Variants in KLHDC2 observed in about 807,000 individuals in gnomAD.
The protein encoded by KLHDC2 is kelch domain containing 2.
Under a neutral mutation model 62.3 loss-of-function variants are expected in KLHDC2, and 38 were observed. That is an observed-to-expected ratio of 0.61 (90% CI 0.47 to 0.80). The LOEUF is 0.80. Ranked by LOEUF, KLHDC2 falls within the 30% of genes least tolerant of loss-of-function variation. KLHDC2 has a pLI of 0.00. For synonymous variants in KLHDC2, 159 were observed against 161.0 expected (o/e 0.99, Z 0.09); for missense variants, 430 against 495.3 (o/e 0.87, Z 1.25).
chr14:49,776,690 G>A (rs1889780087), intron 3 of KLHDC2, among the ~76,000 whole-genome samples: 1 of 152,018 alleles, frequency 6.6e-6, no homozygotes, highest in Non-Finnish European at 1.5e-5. Flanking sequence ...AGGCCCAAGT[G>A]GGCACATCAC....
At chr14:49,781,860 A>ACAGT (rs1491568460) in intron 10 of KLHDC2, among the ~76,000 whole-genome samples, 2 of 152,098 alleles carry the variant, frequency 1.3e-5, no homozygotes, top group African/African-American at 4.8e-5. Flanking sequence ...AGGAAATGAT[A>ACAGT]CAGTCAAAAT....
intron 4 of KLHDC2, 58 bp from the exon 5 acceptor site, chr14:49,778,120 C>A: frequency 8.5e-7 from 1 of 1,178,004 alleles, no homozygotes; most frequent in Non-Finnish European, 1.2e-6. Context: ...AGATAAACTG[C>A]TTGTATCCTA....
chr14:49,785,118 G>C lies in KLHDC2; in HGVS notation c.*2165G>C, dbSNP rs969728048. On this transcript the variant is annotated 3_prime_UTR_variant, in exon 13 of 13. Transcript: ENST00000298307. ...TTTTCCCTTTTTCTGCACTCCAGGA[G>C]TAAGTTTCACTTTATATCTTTAAAA... 8 of 1,606,160 alleles carry C rather than the reference G, an allele frequency of 5.0e-6. No homozygotes were observed. In the African/African-American group the frequency reaches 9.4e-5, roughly 19 times the overall value.
chr14:49,782,542 G>GCA lies in KLHDC2; in HGVS notation c.1050_1051dup (p.Ser351ThrfsTer6), dbSNP rs772267806. 1 of 1,606,464 alleles carries GCA rather than the reference G, an allele frequency of 6.2e-7. No homozygotes were observed. The highest frequency in any genetic ancestry group is 8.5e-7 in the Non-Finnish European group (1 of 1,174,940). ...TGTGTTCTTCCTATTTATTTTTCAG[G>GCA]CACACAGTAATGAAATACTAATATT... On this transcript the variant is annotated frameshift_variant and splice_region_variant, in exon 12 of 13. Coordinates refer to ENST00000298307, the MANE Select transcript of KLHDC2 (RefSeq NM_014315.3). LOFTEE classifies it high-confidence loss of function.
chr14:49,781,413 A>ATGTT (rs918396105), intron 10 of KLHDC2, among the ~76,000 whole-genome samples: 28 of 151,286 alleles, frequency 1.9e-4, no homozygotes, highest in African/African-American at 6.8e-4. Flanking sequence ...AATGGGTAAA[A>ATGTT]TGTTTAAACC....
rs1371616657 is a variant in KLHDC2, at chr14:49,784,008, T to A, written c.*1055T>A. The A allele has an allele frequency of 6.6e-6, 1 of 152,072 alleles. No individual in the cohort carries two copies. Among genetic ancestry groups the A allele is most frequent in the African/African-American group, 2.4e-5 (1 of 41,424 alleles). The allele number at this position is 152,072 out of a possible 1,614,324, so 9.4% of individuals were successfully genotyped here. On this transcript the variant is annotated 3_prime_UTR_variant, in exon 13 of 13. Transcript: ENST00000298307. The stretch of plus-strand genomic sequence containing the variant: ...CAGTAGACTTACCAAGTCAATAGTT[T>A]AAGCAATCAAGCCACTTCACTGTTC...
In KLHDC2 at chr14:49,784,738, T is replaced by G. The variant is rs748431555; in HGVS notation, c.*1785T>G. ...CCTAAAAAAAGAAAATTGCTGAATATCTTCACATCCTGTATGGTCAATCAT... is the reference window on the plus strand; with the variant it reads ...CCTAAAAAAAGAAAATTGCTGAATAGCTTCACATCCTGTATGGTCAATCAT... On this transcript the variant is annotated 3_prime_UTR_variant, in exon 13 of 13. Transcript: ENST00000298307. 20 of 1,580,368 alleles carry G rather than the reference T, an allele frequency of 1.3e-5. No individual in the cohort carries two copies. The Admixed American group carries it at 2.5e-4, about 20-fold the overall frequency.
At chr14:49,779,030 T>TA (rs1463802186) in intron 6 of KLHDC2, among the ~76,000 whole-genome samples, 1 of 152,170 alleles carries the variant, frequency 6.6e-6, no homozygotes, top group Non-Finnish European at 1.5e-5. Flanking sequence ...ACCTATCTAA[T>TA]ACACTTTACG....
Position 49,779,797 on chromosome 14 carries a change from GGAAT to G in KLHDC2, c.769_772del (p.Glu257Ter). On this transcript the variant is annotated frameshift_variant, in exon 8 of 13. Coordinates refer to ENST00000298307, the MANE Select transcript of KLHDC2 (RefSeq NM_014315.3). LOFTEE classifies it high-confidence loss of function. ...TATCTTAATCTGGATACATGGGAGT[GGAAT>G]GAATTGTAGGTATCACTTTAGATAC... 6.2e-7 allele frequency: 1 copy of G among 1,606,414 alleles called. No homozygotes were observed.
In KLHDC2 at chr14:49,784,890, A is replaced by ATC. The variant is rs1181522601; in HGVS notation, c.*1937_*1938insTC. ...TGCTAACATTTTAAATTGTACTGTC[A>ATC]GTCTCCACATTCCTTTTCTGAAGGA... On this transcript the variant is annotated 3_prime_UTR_variant, in exon 13 of 13. Coordinates refer to ENST00000298307, the MANE Select transcript of KLHDC2 (RefSeq NM_014315.3). The ATC allele has an allele frequency of 1.5e-5, 23 of 1,547,470 alleles. No individual in the cohort carries two copies. The highest frequency in any genetic ancestry group is 6.8e-5 in the Admixed American group (4 of 59,134).
intron 3 of KLHDC2, among the ~76,000 whole-genome samples, chr14:49,775,328 T>C (rs1383418487): frequency 6.6e-6 from 1 of 152,214 alleles, no homozygotes; most frequent in Non-Finnish European, 1.5e-5. Context: ...AGCACTTGGC[T>C]GGACACTGGA....
chr14:49,769,360 A>G (rs926529376), intron 1 of KLHDC2, among the ~76,000 whole-genome samples: 12 of 152,184 alleles, frequency 7.9e-5, no homozygotes, highest in African/African-American at 2.9e-4. Flanking sequence ...TCGGAAATCT[A>G]GAATTTTATT....
At chr14:49,771,401 C>A (rs1319118935) in intron 1 of KLHDC2, among the ~76,000 whole-genome samples, 193 bp from the exon 2 acceptor site, 1 of 151,526 alleles carries the variant, frequency 6.6e-6, no homozygotes, top group Non-Finnish European at 1.5e-5. Context: ...ACTGCTGTAT[C>A]AAAATTCTGA....
Position 49,785,270 on chromosome 14 carries a change from T to G in KLHDC2, c.*2317T>G, listed in dbSNP as rs201504408. 1.2e-6 allele frequency: 2 copies of G among 1,613,916 alleles called. No homozygotes were observed. Among genetic ancestry groups the G allele is most frequent in the Admixed American group, 3.3e-5 (2 of 60,002 alleles). On this transcript the variant is annotated 3_prime_UTR_variant, in exon 13 of 13. Transcript: ENST00000298307. ...GGGCACATATTGGAATGGCAAACAG[T>G]AGTACATCTTCAGGATGTGGCTGGC... is the stretch of plus-strand genomic sequence containing the variant.
chr14:49,779,005 G>A (rs1278172392), intron 6 of KLHDC2, among the ~76,000 whole-genome samples: 3 of 152,158 alleles, frequency 2.0e-5, no homozygotes, highest in Non-Finnish European at 4.4e-5. Context: ...TTACAGGCAT[G>A]AGCCACCGTG....
chr14:49,779,614 G>T lies in KLHDC2; in HGVS notation c.653G>T (p.Arg218Leu). 6.2e-7 allele frequency: 1 copy of T among 1,614,044 alleles called. No individual in the cohort carries two copies. The highest frequency in any genetic ancestry group is 8.5e-7 in the Non-Finnish European group (1 of 1,179,974). Residue 218 changes from arginine to leucine, a missense_variant, in exon 7 of 13, where the codon CGT becomes CTT. Coordinates refer to ENST00000298307, the MANE Select transcript of KLHDC2 (RefSeq NM_014315.3). ...PITTGKAPSP[R>L]AAHACATVGN... The stretch of plus-strand genomic sequence containing the variant: ...TAATAGGGTAAAGCACCTTCACCTC[G>T]TGCTGCCCATGCCTGTGCAACTGTC...
Position 49,782,562 on chromosome 14 carries a change from A to G in KLHDC2, c.1065A>G (p.Leu355=), listed in dbSNP as rs879431048. 1.9e-6 allele frequency: 3 copies of G among 1,607,172 alleles called. No individual in the cohort carries two copies. Among genetic ancestry groups the G allele is most frequent in the Non-Finnish European group, 2.6e-6 (3 of 1,175,528 alleles). ...HHRAAHSNEI[L]IFSVQPKSLV... ...TTCAGGCACACAGTAATGAAATACT[A>G]ATATTTTCAGTTCAACCAAAATCTC... Residue 355 remains leucine (L), a synonymous_variant, in exon 12 of 13, where the codon CTA becomes CTG. Transcript: ENST00000298307.
At chr14:49,770,860 C>T (rs1439915331) in intron 1 of KLHDC2, among the ~76,000 whole-genome samples, 1 of 152,206 alleles carries the variant, frequency 6.6e-6, no homozygotes, top group Non-Finnish European at 1.5e-5. Flanking sequence ...ATTTGCAGTT[C>T]TGCCCTCTCT....
rs989172122 is a variant in KLHDC2, at chr14:49,783,934, T to G, written c.*981T>G. ...TTTTCAAGACACAATCCTAAATATTTAAACCCCTTGTAGCTGGCCTATAAT... is the reference window on the plus strand; with the variant it reads ...TTTTCAAGACACAATCCTAAATATTGAAACCCCTTGTAGCTGGCCTATAAT... On this transcript the variant is annotated 3_prime_UTR_variant, in exon 13 of 13. Transcript: ENST00000298307. 2.6e-5 allele frequency: 4 copies of G among 152,170 alleles called. No individual in the cohort carries two copies. Among genetic ancestry groups the G allele is most frequent in the Non-Finnish European group, 5.9e-5 (4 of 68,008 alleles). 9.4% of individuals were successfully genotyped at this position (152,170 alleles called of 1,614,324 possible).
Sources: allele counts gnomAD v4.1 joint callset (sites outside exome capture counted in the v4.1 genomes callset), GRCh38; gene constraint gnomAD v4.1.1; transcripts MANE v1.5; gene names NCBI Gene and HGNC (gene_info 2026-07-23, HGNC 2026-07-21).